The following LSM10 variants were observed in gnomAD, a reference collection of about 807,000 sequenced individuals.
LSM10 encodes the protein LSM10, U7 small nuclear RNA associated, also known as U7 snRNA-associated Sm-like protein LSm10.
Under a neutral mutation model 5.2 loss-of-function variants are expected in LSM10, and 4 were observed. The ratio of observed to expected loss-of-function variants is 0.77; its 90% CI spans 0.38 to 1.77. LSM10 has a LOEUF of 1.77. Ranked by LOEUF, LSM10 falls within the 40% of genes most tolerant of loss-of-function variation. The probability of loss-of-function intolerance (pLI) is 0.04; values close to 1 mark genes in which losing one functional copy is unlikely to be tolerated. For synonymous variants in LSM10, 63 were observed against 67.4 expected (o/e 0.94, Z 0.32); for missense variants, 150 against 171.6 (o/e 0.87, Z 0.70).
chr1:36,394,098 G>A lies in LSM10; in HGVS notation c.32C>T (p.Thr11Ile). Residue 11 changes from threonine to isoleucine, a missense_variant, in exon 2 of 2, where the codon ACC becomes ATC. By Grantham distance (89) the Thr-to-Ile change is moderately conservative. Coordinates refer to ENST00000315732, the MANE Select transcript of LSM10 (RefSeq NM_032881.3). MAVSHSVKER[T>I]ISENSLIILL... ...GATGATCAGGCTGTTCTCAGAGATG[G>A]TCCGCTCCTTCACTGAATGGCTCAC... 6.2e-7 allele frequency: 1 copy of A among 1,613,566 alleles called. No individual in the cohort carries two copies. The highest frequency in any genetic ancestry group is 8.5e-7 in the Non-Finnish European group (1 of 1,179,948).
Position 36,394,131 on chromosome 1 carries a change from C to G in LSM10, c.-2G>C. 1 of 1,606,192 alleles carries G rather than the reference C, an allele frequency of 6.2e-7. No homozygotes were observed. Among genetic ancestry groups the G allele is most frequent in the Non-Finnish European group, 8.5e-7 (1 of 1,175,896 alleles). On this transcript the variant is annotated 5_prime_UTR_variant, in exon 2 of 2. Transcript: ENST00000315732. ...CTTCACTGAATGGCTCACCGCCATT[C>G]TTCCACACCAGCTGCCTGCTTGCTG...
At chr1:36,397,196 T>C (rs1271158915) in intron 1 of LSM10, among the ~76,000 whole-genome samples, 1 of 152,236 alleles carries the variant, frequency 6.6e-6, no homozygotes. Context: ...GTACTCTCCT[T>C]TGATTTCAAC....
Position 36,393,693 on chromosome 1 carries a change from G to A in LSM10, c.*65C>T, listed in dbSNP as rs941372930. On this transcript the variant is annotated 3_prime_UTR_variant, in exon 2 of 2. Coordinates refer to ENST00000315732, the MANE Select transcript of LSM10 (RefSeq NM_032881.3). Reference sequence around the variant, plus strand: ...TCTCGGGTACCAGACAGGGTGTGAGGGCAGGGAACTAGCTCCGGAGATCAC... The same window carrying A: ...TCTCGGGTACCAGACAGGGTGTGAGAGCAGGGAACTAGCTCCGGAGATCAC... The A allele has an allele frequency of 4.4e-5, 69 of 1,580,518 alleles. 4 individuals carry two copies. The South Asian group carries it at 8.0e-4, about 18-fold the overall frequency.
chr1:36,397,020 C>T (rs1188584861), intron 1 of LSM10, among the ~76,000 whole-genome samples: 1 of 151,808 alleles, frequency 6.6e-6, no homozygotes, highest in Admixed American at 6.6e-5. Context: ...AACCCCCAAC[C>T]GGTATTATAT....
At chr1:36,396,618 C>T (rs919587341) in intron 1 of LSM10, among the ~76,000 whole-genome samples, 3 of 152,184 alleles carry the variant, frequency 2.0e-5, no homozygotes, top group Non-Finnish European at 4.4e-5. Flanking sequence ...TGCTGCTGGT[C>T]AGGGGCCCAC....
At chr1:36,397,134 A>C (rs979655672) in intron 1 of LSM10, among the ~76,000 whole-genome samples, 54 of 152,224 alleles carry the variant, frequency 3.5e-4, no homozygotes, top group Admixed American at 1.2e-3. Context: ...CTGTTTCCAC[A>C]TTTATTAAAC....
In LSM10 at chr1:36,396,730, G is replaced by A. The variant is rs1018774173; in HGVS notation, c.-25+1037C>T. On this transcript the variant is annotated intron_variant, in intron 1 of 1. Transcript: ENST00000315732. Reference sequence around the variant, plus strand: ...CTCACGCCTGTAATCCCAGGATTTTGGGAGGCCAAGGCGAGTGGATCACCT... The same window carrying A: ...CTCACGCCTGTAATCCCAGGATTTTAGGAGGCCAAGGCGAGTGGATCACCT... 7.9e-5 allele frequency among the ~76,000 whole-genome samples: 12 copies of A among 152,366 alleles called. No individual in the cohort carries two copies. The South Asian group carries it at 2.5e-3, about 32-fold the overall frequency.
Position 36,393,561 on chromosome 1 carries a change from A to G in LSM10, c.*197T>C. ...ATTGTCACCTACCCCAAGGCCACATATAGGATTCTGGGTCCCAGAGTGAGT... is the reference window on the plus strand; with the variant it reads ...ATTGTCACCTACCCCAAGGCCACATGTAGGATTCTGGGTCCCAGAGTGAGT... On this transcript the variant is annotated 3_prime_UTR_variant, in exon 2 of 2. Transcript: ENST00000315732. 1 of 674,946 alleles carries G rather than the reference A, an allele frequency of 1.5e-6. No individual in the cohort carries two copies. The highest frequency in any genetic ancestry group is 2.5e-6 in the Non-Finnish European group (1 of 396,912). 41.8% of individuals were successfully genotyped at this position (674,946 alleles called of 1,614,324 possible). A position where few individuals can be genotyped will look rare whatever the true frequency, so the allele number is the denominator to read the frequency against.
At chr1:36,397,640 G>C (rs61770989) in intron 1 of LSM10, 127 bp downstream of exon 1, 6,236 of 152,328 alleles carry the variant, frequency 0.041, 205 homozygotes, top group East Asian at 0.17. Context: ...GAGCGGGTCT[G>C]GGGAAAGGAG....
chr1:36,395,987 C>T (rs566184741), intron 1 of LSM10, among the ~76,000 whole-genome samples: 2 of 151,684 alleles, frequency 1.3e-5, no homozygotes, highest in Non-Finnish European at 1.5e-5. Flanking sequence ...TTTGGGAGAC[C>T]GAGGCGGGCG....
rs779621174 is a variant in LSM10, at chr1:36,394,110, A to G, written c.20T>C (p.Val7Ala). 2.5e-6 allele frequency: 4 copies of G among 1,612,208 alleles called. No individual in the cohort carries two copies. The highest frequency in any genetic ancestry group is 3.4e-6 in the Non-Finnish European group (4 of 1,179,396). The change falls in exon 2 of 2, where the codon GTG becomes GCG. Residue 7 changes from valine to alanine, a missense_variant. Physicochemically the swap from Val to Ala is moderately conservative, Grantham distance 64. Transcript: ENST00000315732. ...GTTCTCAGAGATGGTCCGCTCCTTCACTGAATGGCTCACCGCCATTCTTCC... is the reference window on the plus strand; with the variant it reads ...GTTCTCAGAGATGGTCCGCTCCTTCGCTGAATGGCTCACCGCCATTCTTCC... MAVSHSVKERTISENSL... is the reference protein window; with the variant it reads MAVSHSAKERTISENSL...
Position 36,394,116 on chromosome 1 carries a change from T to C in LSM10, c.14A>G (p.His5Arg). The change falls in exon 2 of 2, where the codon CAT becomes CGT. Residue 5 changes from histidine (H) to arginine (R), a missense_variant. By Grantham distance (29) the His-to-Arg change is conservative. Coordinates refer to ENST00000315732, the MANE Select transcript of LSM10 (RefSeq NM_032881.3). MAVSHSVKERTISEN... is the reference protein window; with the variant it reads MAVSRSVKERTISEN... ...AGAGATGGTCCGCTCCTTCACTGAA[T>C]GGCTCACCGCCATTCTTCCACACCA... The C allele has an allele frequency of 1.9e-6, 3 of 1,611,526 alleles. No homozygotes were observed. Among genetic ancestry groups the C allele is most frequent in the African/African-American group, 1.3e-5 (1 of 75,036 alleles).
chr1:36,395,009 A>G (rs1367567536), intron 1 of LSM10, among the ~76,000 whole-genome samples: 1 of 152,182 alleles, frequency 6.6e-6, no homozygotes, highest in African/African-American at 2.4e-5. Context: ...CGGGAGGGTG[A>G]GGCAGGAGAA....
intron 1 of LSM10, among the ~76,000 whole-genome samples, chr1:36,395,682 G>T (rs538720521): frequency 6.2e-4 from 94 of 151,826 alleles, no homozygotes; most frequent in African/African-American, 2.2e-3. Context: ...GGAGGTTGAG[G>T]CAGGAGAATC....
intron 1 of LSM10, among the ~76,000 whole-genome samples, chr1:36,396,533 A>C (rs1475964800): frequency 6.6e-6 from 1 of 152,034 alleles, no homozygotes. Flanking sequence ...GCTGGGCCCC[A>C]CTCCCAGTTT....
chr1:36,396,666 T>C (rs1439849080), intron 1 of LSM10, among the ~76,000 whole-genome samples: 4 of 152,226 alleles, frequency 2.6e-5, no homozygotes, highest in African/African-American at 9.6e-5. Flanking sequence ...GCAGCTGTTA[T>C]GTAAGTAGAA....
chr1:36,394,180 G>A (rs1264158997), intron 1 of LSM10, 27 bp from the exon 2 acceptor site: 1 of 1,571,080 alleles, frequency 6.4e-7, no homozygotes, highest in East Asian at 2.3e-5. Flanking sequence ...ACAGATGGCA[G>A]CTATAGCAGG....
At chr1:36,394,768 G>C (rs577687441) in intron 1 of LSM10, among the ~76,000 whole-genome samples, 14 of 148,816 alleles carry the variant, frequency 9.4e-5, no homozygotes, top group Non-Finnish European at 1.9e-4. Context: ...CCAAGATCGC[G>C]GCAGAGTGAC....
At chr1:36,397,236 T>A (rs1647163153) in intron 1 of LSM10, among the ~76,000 whole-genome samples, 1 of 152,242 alleles carries the variant, frequency 6.6e-6, no homozygotes, top group Admixed American at 6.5e-5. Context: ...GTGCACTATG[T>A]CTTACCTATC....
Sources: allele counts gnomAD v4.1 joint callset (sites outside exome capture counted in the v4.1 genomes callset), GRCh38; gene constraint gnomAD v4.1.1; transcripts MANE v1.5; gene names NCBI Gene and HGNC (gene_info 2026-07-23, HGNC 2026-07-21).